Variants in PFAS observed in about 807,000 individuals in gnomAD.
PFAS encodes phosphoribosylformylglycinamidine synthase.
PFAS carries 97 observed loss-of-function variants against 140.6 expected under a neutral mutation model. The observed-to-expected ratio is 0.69, with a 90% CI of 0.59 to 0.82. The LOEUF is 0.82. Ranked by LOEUF, PFAS falls within the 40% of genes least tolerant of loss-of-function variation. The pLI is 0.00. For missense variants in PFAS, 1,656 were observed against 1,780.2 expected (o/e 0.93, Z 1.26); for synonymous variants, 679 against 718.8 (o/e 0.94, Z 0.88).
At chr17:8,255,978 C>T (rs1369839629) in intron 6 of PFAS, 68 bp downstream of exon 6, 9 of 1,211,572 alleles carry the variant, frequency 7.4e-6, no homozygotes, top group East Asian at 4.7e-5. Flanking sequence ...AGGGGCTCAC[C>T]TTCATGTTCC....
chr17:8,268,508 C>G, intron 26 of PFAS, 25 bp from the exon 27 acceptor site: 2 of 1,586,298 alleles, frequency 1.3e-6, no homozygotes, highest in Non-Finnish European at 1.7e-6. Flanking sequence ...CCATGTCTCA[C>G]CCTGACTTCC....
Position 8,266,492 on chromosome 17 carries a change from C to T in PFAS, c.2821+139C>T. 3 of 1,486,668 alleles carry T rather than the reference C, an allele frequency of 2.0e-6. No homozygotes were observed. Among genetic ancestry groups the T allele is most frequent in the Admixed American group, 4.9e-5 (2 of 41,068 alleles). The allele number at this position is 1,486,668 out of a possible 1,614,324, so 92.1% of individuals were successfully genotyped here. ...CCTGACTAGCTTTTCTGTGCTGTCT[C>T]TCTGACAGCTGAACTGGATGGAACT... is the stretch of plus-strand genomic sequence containing the variant. On this transcript the variant is annotated intron_variant, in intron 22 of 27. Transcript: ENST00000314666. The surrounding 1 kb of genome is among the most constrained non-coding windows in gnomAD (Gnocchi z 5.0).
rs1392415347 is a variant in PFAS, at chr17:8,262,982, T to G, written c.1399T>G (p.Ser467Ala). The G allele has an allele frequency of 6.2e-6, 10 of 1,613,780 alleles. No homozygotes were observed. In the Admixed American group the frequency reaches 1.7e-4, roughly 27 times the overall value. Residue 467 changes from serine to alanine, a missense_variant, in exon 12 of 28, where the codon TCA becomes GCA. Physicochemically the swap from Ser to Ala is moderately conservative, Grantham distance 99. Around this residue, in one of 2 missense-constraint regions of PFAS, gnomAD observed 773 missense variants for 757.3 expected, o/e 1.02. Coordinates refer to ENST00000314666, the MANE Select transcript of PFAS (RefSeq NM_012393.3). ...GATTGGAGTTGGAGGTGGAGCTGCTTCATCTGTGCAGGTGAGTGGGAATTG... is the reference window on the plus strand; with the variant it reads ...GATTGGAGTTGGAGGTGGAGCTGCTGCATCTGTGCAGGTGAGTGGGAATTG... ...YRIGVGGGAA[S>A]SVQVQGDNTS...
rs1188054489 is a variant in PFAS at position 8,253,920 on chromosome 17, C to G, written c.-18C>G. ...TCCAGCAAAGGACACCTCTCTCCAG[C>G]AAAGGACACCTGCAGAGATGTCCCC... On this transcript the variant is annotated 5_prime_UTR_variant, in exon 2 of 28. Coordinates refer to ENST00000314666, the MANE Select transcript of PFAS (RefSeq NM_012393.3). The G allele has an allele frequency of 3.7e-6, 6 of 1,602,792 alleles. No individual in the cohort carries two copies. In the African/African-American group the frequency reaches 8.0e-5, roughly 21 times the overall value.
chr17:8,263,510 A>C, intron 13 of PFAS, 65 bp from the exon 14 acceptor site: 1 of 1,392,938 alleles, frequency 7.2e-7, no homozygotes, highest in Non-Finnish European at 1.0e-6. Context: ...TTTGGAGGCC[A>C]GGGACTGCCC....
upstream of PFAS, chr17:8,249,192 G>A (rs1373901941): frequency 1.3e-5 from 2 of 152,170 alleles, no homozygotes; most frequent in Admixed American, 1.3e-4. Context: ...CAAGAACCTA[G>A]AATTCGGCCG....
In PFAS at chr17:8,266,826, G is replaced by A. The variant is rs759575909; in HGVS notation, c.2895G>A (p.Leu965=). The change falls in exon 23 of 28, where the codon CTG becomes CTA. Residue 965 remains leucine (L), a synonymous_variant. Coordinates refer to ENST00000314666, the MANE Select transcript of PFAS (RefSeq NM_012393.3). This position sits in a 1 kb window ranked among gnomAD's most constrained non-coding sequence, Gnocchi z 5.0. Reference sequence around the variant, plus strand: ...AGGAGCCAGACCTGGCCCAGGTGCTGAAGCGTTACCGGGATGCTGGCCTCC... The same window carrying A: ...AGGAGCCAGACCTGGCCCAGGTGCTAAAGCGTTACCGGGATGCTGGCCTCC... The part of the protein sequence containing the change: ...EVQEPDLAQV[L]KRYRDAGLHC... 1.2e-6 allele frequency: 2 copies of A among 1,611,736 alleles called. No homozygotes were observed. The highest frequency in any genetic ancestry group is 1.7e-4 in the Middle Eastern group (1 of 6,052).
intron 1 of PFAS, among the ~76,000 whole-genome samples, chr17:8,252,863 C>T (rs1209506858): frequency 6.6e-6 from 1 of 152,172 alleles, no homozygotes; most frequent in Non-Finnish European, 1.5e-5. Flanking sequence ...CTCAATCCTC[C>T]CACCTCAGCC....
At position 8,263,812 on chromosome 17, in the gene PFAS, G is replaced by A. The variant is rs1989695112; in HGVS notation, c.1667G>A (p.Gly556Glu). 3 of 1,614,138 alleles carry A rather than the reference G, an allele frequency of 1.9e-6. No individual in the cohort carries two copies. The African/African-American group carries it at 4.0e-5, about 22-fold the overall frequency. Residue 556 changes from glycine (G) to glutamate (E), a missense_variant, in exon 15 of 28, where the codon GGG (glycine) becomes GAG (glutamate). By Grantham distance (98) the Gly-to-Glu change is moderately conservative. This residue lies in a region of PFAS where 773 missense variants were observed against 757.3 expected (regional missense o/e 1.02). Transcript: ENST00000314666. ...ACCCTGAATGCCCTGGAAATCTGGG[G>A]GGCTGAGTACCAGGAATCAAATGCT... ...DPTLNALEIW[G>E]AEYQESNALL...
Position 8,253,787 on chromosome 17 carries a change from C to T in PFAS, c.-79-72C>T, listed in dbSNP as rs1277694183. 4 of 1,134,188 alleles carry T rather than the reference C, an allele frequency of 3.5e-6. No homozygotes were observed. In the East Asian group the frequency reaches 8.2e-5, roughly 23 times the overall value. 70.3% of individuals were successfully genotyped at this position (1,134,188 alleles called of 1,614,324 possible). On this transcript the variant is annotated intron_variant, in intron 1 of 27. Coordinates refer to ENST00000314666, the MANE Select transcript of PFAS (RefSeq NM_012393.3). ...CTCCTGACCTCAGGCAATCCACCTG[C>T]CTCAGTCTCCCAAAGTGCTGGGGTT...
In PFAS at chr17:8,266,199, C is replaced by A; in HGVS notation, c.2702-35C>A. 1 of 1,611,718 alleles carries A rather than the reference C, an allele frequency of 6.2e-7. No individual in the cohort carries two copies. Among genetic ancestry groups the A allele is most frequent in the South Asian group, 1.1e-5 (1 of 90,700 alleles). On this transcript the variant is annotated intron_variant, in intron 21 of 27. Coordinates refer to ENST00000314666, the MANE Select transcript of PFAS (RefSeq NM_012393.3). This position sits in a 1 kb window ranked among gnomAD's most constrained non-coding sequence, Gnocchi z 5.0. ...TGGGGTGGGGCTGTCAGGTTTGGGT[C>A]CCGAGGTTGCTGAGCTTTCTTCTCC... is the stretch of plus-strand genomic sequence containing the variant.
intron 8 of PFAS, 40 bp from the exon 9 acceptor site, chr17:8,256,795 C>G (rs1298048711): frequency 6.4e-7 from 1 of 1,563,286 alleles, no homozygotes; most frequent in African/African-American, 1.4e-5. Flanking sequence ...GGGGGTTTGT[C>G]TCTGAGGCAC....
Position 8,267,014 on chromosome 17 carries a change from G to A in PFAS, c.2968-14G>A, listed in dbSNP as rs1332737222. 1.2e-6 allele frequency: 2 copies of A among 1,613,200 alleles called. No homozygotes were observed. The highest frequency in any genetic ancestry group is 1.7e-6 in the Non-Finnish European group (2 of 1,179,972). On this transcript the variant is annotated splice_polypyrimidine_tract_variant and intron_variant, in intron 23 of 27. Coordinates refer to ENST00000314666, the MANE Select transcript of PFAS (RefSeq NM_012393.3). This position sits in a 1 kb window ranked among gnomAD's most constrained non-coding sequence, Gnocchi z 4.9. ...CTTTCTCCTAGCCCGTGGGAGATTT[G>A]TTCCTCTTCCTAGGTCCGGGTGTCA...
At chr17:8,258,417 A>T (rs1989460842) in intron 11 of PFAS, among the ~76,000 whole-genome samples, 1 of 152,194 alleles carries the variant, frequency 6.6e-6, no homozygotes, top group African/African-American at 2.4e-5. Context: ...ACAAACCTAG[A>T]TGGCATAGCC....
rs1989269410 is a variant in PFAS, at chr17:8,254,235, A to G, written c.212A>G (p.Asp71Gly). 4 of 1,613,970 alleles carry G rather than the reference A, an allele frequency of 2.5e-6. No homozygotes were observed. The highest frequency in any genetic ancestry group is 1.7e-5 in the Admixed American group (1 of 59,980). ...MWLFGCPLLL[D>G]DVARESWLLP... ...CTGTTTGGTTGCCCCTTACTGCTGG[A>G]TGATGTTGCTCGGGAGTCCTGGCTC... The change falls in exon 3 of 28, where the codon GAT (aspartate) becomes GGT (glycine). Residue 71 changes from aspartate (D) to glycine (G), a missense_variant. Coordinates refer to ENST00000314666, the MANE Select transcript of PFAS (RefSeq NM_012393.3).
At position 8,255,583 on chromosome 17, in the gene PFAS, C is replaced by A. The variant is rs752671234; in HGVS notation, c.466C>A (p.His156Asn). 23 of 1,562,254 alleles carry A rather than the reference C, an allele frequency of 1.5e-5. No individual in the cohort carries two copies. The highest frequency in any genetic ancestry group is 2.0e-5 in the Non-Finnish European group (23 of 1,158,734). Residue 156 changes from histidine to asparagine, a missense_variant, in exon 5 of 28, where the codon CAT becomes AAT. By Grantham distance (68) the His-to-Asn change is moderately conservative. Coordinates refer to ENST00000314666, the MANE Select transcript of PFAS (RefSeq NM_012393.3). Reference sequence around the variant, plus strand: ...CCGGATGACAGAGCAGCACTTCCCCCATCCCATCCAGAGTTTCTCCCCTGA... The same window carrying A: ...CCGGATGACAGAGCAGCACTTCCCCAATCCCATCCAGAGTTTCTCCCCTGA... Reference protein sequence around the residue: ...HDRMTEQHFPHPIQSFSPESM... With the variant: ...HDRMTEQHFPNPIQSFSPESM...
In PFAS at chr17:8,266,729, T is replaced by C; in HGVS notation, c.2822-24T>C. The C allele has an allele frequency of 6.3e-7, 1 of 1,580,814 alleles. No individual in the cohort carries two copies. The highest frequency in any genetic ancestry group is 1.2e-5 in the South Asian group (1 of 85,476). On this transcript the variant is annotated intron_variant, in intron 22 of 27. Coordinates refer to ENST00000314666, the MANE Select transcript of PFAS (RefSeq NM_012393.3). This position sits in a 1 kb window ranked among gnomAD's most constrained non-coding sequence, Gnocchi z 5.0. ...TCCCTTGGCCCTTCTTGCATCCCCC[T>C]GACTCCCCACATTGCTCTCCCAGTC...
upstream of PFAS, chr17:8,247,976 G>C (rs1281462933): frequency 6.3e-7 from 1 of 1,590,086 alleles, no homozygotes; most frequent in Non-Finnish European, 8.6e-7. Flanking sequence ...AAGAAAAAAG[G>C]AACAAGAGAC....
Position 8,267,506 on chromosome 17 carries a change from A to G in PFAS, c.3267+43A>G. On this transcript the variant is annotated intron_variant, in intron 25 of 27. Coordinates refer to ENST00000314666, the MANE Select transcript of PFAS (RefSeq NM_012393.3). The surrounding 1 kb of genome is among the most constrained non-coding windows in gnomAD (Gnocchi z 4.9). ...CAGCTGGGGGTGATTGTCCAGCCTC[A>G]GCTGCGTGTCCTCCCACCCACACTC... is the stretch of plus-strand genomic sequence containing the variant. 6.3e-7 allele frequency: 1 copy of G among 1,594,546 alleles called. No individual in the cohort carries two copies. Among genetic ancestry groups the G allele is most frequent in the East Asian group, 2.2e-5 (1 of 44,798 alleles).
Sources: allele counts gnomAD v4.1 joint callset (sites outside exome capture counted in the v4.1 genomes callset), GRCh38; gene constraint gnomAD v4.1.1; regional missense constraint gnomAD v4.1.1; non-coding constraint Gnocchi (gnomAD v3.1); transcripts MANE v1.5; gene names NCBI Gene and HGNC (gene_info 2026-07-23, HGNC 2026-07-21).